Variants in GRIN2A observed in about 807,000 individuals in gnomAD.
GRIN2A encodes the protein glutamate ionotropic receptor NMDA type subunit 2A.
Under a neutral mutation model 113.4 loss-of-function variants are expected in GRIN2A, and 22 were observed. That is an observed-to-expected ratio of 0.19 (90% CI 0.14 to 0.28). The LOEUF (loss-of-function observed/expected upper bound fraction) is 0.28. Ranked by LOEUF, GRIN2A falls within the 10% of genes least tolerant of loss-of-function variation. The probability of loss-of-function intolerance (pLI) is 1.00; values close to 1 mark genes in which losing one functional copy is unlikely to be tolerated. For missense variants in GRIN2A, 1,502 were observed against 1,887.0 expected, an observed-to-expected ratio of 0.80 and a Z score of 3.78; for synonymous variants, 827 against 738.4, an observed-to-expected ratio of 1.12 and a Z score of -1.94.
intron 4 of GRIN2A, among the ~76,000 whole-genome samples, chr16:9,868,185 T>G (rs2043194640): frequency 6.6e-6 from 1 of 152,192 alleles, no homozygotes; most frequent in Non-Finnish European, 1.5e-5. Flanking sequence ...CACTGGTTTA[T>G]GACTCAGCTT....
intron 2 of GRIN2A, among the ~76,000 whole-genome samples, chr16:10,005,829 C>A (rs2046396088): frequency 6.6e-6 from 1 of 152,182 alleles, no homozygotes; most frequent in Non-Finnish European, 1.5e-5. Context: ...AAGTTTTCAT[C>A]CAGTGAAATG....
At chr16:10,095,454 T>A (rs1295380142) in intron 2 of GRIN2A, among the ~76,000 whole-genome samples, 1 of 152,110 alleles carries the variant, frequency 6.6e-6, no homozygotes, top group Non-Finnish European at 1.5e-5. Context: ...CATGCTAATA[T>A]AAAGTATAAA....
intron 2 of GRIN2A, among the ~76,000 whole-genome samples, chr16:10,026,438 A>C (rs2141911259): frequency 6.6e-6 from 1 of 150,820 alleles, no homozygotes; most frequent in East Asian, 1.9e-4. Flanking sequence ...CTGCATCTTG[A>C]AGGTAGTCTA....
chr16:10,068,717 T>C (rs2047695113), intron 2 of GRIN2A, among the ~76,000 whole-genome samples: 1 of 152,152 alleles, frequency 6.6e-6, no homozygotes, highest in Middle Eastern at 3.2e-3. Flanking sequence ...AGATAATAGA[T>C]AATGTACAAA....
chr16:9,886,097 G>A (rs561222180), intron 4 of GRIN2A, among the ~76,000 whole-genome samples: 1 of 152,304 alleles, frequency 6.6e-6, no homozygotes, highest in African/African-American at 2.4e-5. Context: ...AAATTCACAG[G>A]TGTGAGTCAA....
Position 9,754,002 on chromosome 16 carries a change from A to G in GRIN2A, c.*9147T>C, listed in dbSNP as rs1318717165. ...CTTGCAGGCAATGACCAGCTTGTGT[A>G]TTATGCAACAAGTCATATTATTAAT... is the stretch of plus-strand genomic sequence containing the variant. On this transcript the variant is annotated 3_prime_UTR_variant, in exon 13 of 13. Coordinates refer to ENST00000330684, the MANE Select transcript of GRIN2A (RefSeq NM_001134407.3). The G allele has an allele frequency of 1.1e-5, 2 of 181,268 alleles. No homozygotes were observed. The highest frequency in any genetic ancestry group is 9.1e-5 in the East Asian group (1 of 10,990). 11.2% of individuals were successfully genotyped at this position (181,268 alleles called of 1,614,324 possible).
chr16:9,913,408 G>A (rs2044182927), intron 3 of GRIN2A, among the ~76,000 whole-genome samples: 1 of 152,154 alleles, frequency 6.6e-6, no homozygotes, highest in Non-Finnish European at 1.5e-5. Flanking sequence ...GGACCTTTAT[G>A]TAAAGATTTA....
intron 2 of GRIN2A, among the ~76,000 whole-genome samples, chr16:10,173,455 T>C (rs1327055922): frequency 6.6e-6 from 1 of 152,224 alleles, no homozygotes; most frequent in Non-Finnish European, 1.5e-5. Flanking sequence ...GGTAATTATC[T>C]GCCCACTAGA....
At chr16:10,044,010 T>C (rs560630213) in intron 2 of GRIN2A, among the ~76,000 whole-genome samples, 8 of 116,310 alleles carry the variant, frequency 6.9e-5, no homozygotes, top group African/African-American at 2.9e-4. Flanking sequence ...TGTGTGTGTA[T>C]ATATATATAT....
At chr16:10,023,865 C>T (rs1488768504) in intron 2 of GRIN2A, among the ~76,000 whole-genome samples, 1 of 152,208 alleles carries the variant, frequency 6.6e-6, no homozygotes, top group East Asian at 1.9e-4. Context: ...ACAGAGAAAA[C>T]ATCCCAAAAC....
intron 2 of GRIN2A, among the ~76,000 whole-genome samples, chr16:10,124,192 C>G (rs2048884234): frequency 6.6e-6 from 1 of 152,080 alleles, no homozygotes; most frequent in Non-Finnish European, 1.5e-5. Flanking sequence ...CTTGTGTGTT[C>G]CAAAACCTAG....
chr16:9,897,610 C>T (rs1471304304), intron 3 of GRIN2A, among the ~76,000 whole-genome samples: 1 of 152,136 alleles, frequency 6.6e-6, no homozygotes, highest in Non-Finnish European at 1.5e-5. Flanking sequence ...TAAAAGGTCT[C>T]ATAAATAATT....
intron 2 of GRIN2A, among the ~76,000 whole-genome samples, chr16:9,951,006 C>T (rs2045165937): frequency 6.6e-6 from 1 of 152,142 alleles, no homozygotes; most frequent in Non-Finnish European, 1.5e-5. Flanking sequence ...TTCCAAAACC[C>T]TTGCTCTTCA....
At chr16:9,967,847 T>A (rs1012737703) in intron 2 of GRIN2A, among the ~76,000 whole-genome samples, 5 of 152,030 alleles carry the variant, frequency 3.3e-5, no homozygotes, top group African/African-American at 1.2e-4. Flanking sequence ...AAACAACTTA[T>A]CCCTGTAACC....
At position 10,180,592 on chromosome 16, in the gene GRIN2A, T is replaced by G. The variant is rs1426987461; in HGVS notation, c.-18-163A>C. ...TTCCGAGTCCCCGACGCCATCCACA[T>G]CCCTCGATCCATCTCTAACTCTATC... On this transcript the variant is annotated intron_variant, in intron 1 of 12. Coordinates refer to ENST00000330684, the MANE Select transcript of GRIN2A (RefSeq NM_001134407.3). The surrounding 1 kb of genome is among the most constrained non-coding windows in gnomAD (Gnocchi z 7.0). The G allele has an allele frequency of 9.3e-6, 7 of 754,438 alleles. No individual in the cohort carries two copies. The highest frequency in any genetic ancestry group is 9.7e-6 in the Non-Finnish European group (6 of 619,204). The allele number at this position is 754,438 out of a possible 1,614,324, so 46.7% of individuals were successfully genotyped here.
At chr16:10,092,538 T>C (rs2048201134) in intron 2 of GRIN2A, among the ~76,000 whole-genome samples, 1 of 152,218 alleles carries the variant, frequency 6.6e-6, no homozygotes. Context: ...CTCAATGATT[T>C]TGCCTTTTAT....
chr16:9,992,137 C>A (rs1463190278), intron 2 of GRIN2A, among the ~76,000 whole-genome samples: 3 of 152,114 alleles, frequency 2.0e-5, no homozygotes, highest in African/African-American at 7.2e-5. Flanking sequence ...ATGTAATTAC[C>A]TTTTATGGCT....
At chr16:9,775,303 T>A (rs1901530016) in intron 11 of GRIN2A, among the ~76,000 whole-genome samples, 1 of 152,218 alleles carries the variant, frequency 6.6e-6, no homozygotes, top group African/African-American at 2.4e-5. Context: ...GAGTTCGATG[T>A]TCTATTTCAT....
At position 9,757,412 on chromosome 16, in the gene GRIN2A, T is replaced by A. The variant is rs1396112241; in HGVS notation, c.*5737A>T. Reference sequence around the variant, plus strand: ...TCATAGAATCAGATTATTTTTTTTTTCCTGGCTACAACTTTAGTTGTCATT... The same window carrying A: ...TCATAGAATCAGATTATTTTTTTTTACCTGGCTACAACTTTAGTTGTCATT... On this transcript the variant is annotated 3_prime_UTR_variant, in exon 13 of 13. Transcript: ENST00000330684. The A allele has an allele frequency of 4.3e-6, 1 of 230,084 alleles. No individual in the cohort carries two copies. The highest frequency in any genetic ancestry group is 8.6e-6 in the Non-Finnish European group (1 of 116,166). The allele number at this position is 230,084 out of a possible 1,614,324, so 14.3% of individuals were successfully genotyped here.
Sources: gnomAD v4.1 joint callset for allele counts (sites outside exome capture counted in the v4.1 genomes callset) on GRCh38, gnomAD v4.1.1 for gene constraint, Gnocchi (gnomAD v3.1) non-coding constraint, MANE v1.5 for transcripts, NCBI Gene and HGNC (gene_info 2026-07-23, HGNC 2026-07-21) for gene names.